CSMD1: variants seen among roughly 807,000 people sequenced by gnomAD.
CSMD1 encodes CUB and sushi domain-containing protein 1.
In CSMD1, 213 loss-of-function variants were observed where a neutral mutation model predicts 417.5. That is an observed-to-expected ratio of 0.51 (90% CI 0.46 to 0.57). The LOEUF (loss-of-function observed/expected upper bound fraction) is 0.57. CSMD1 is among the 20% of genes least tolerant of loss of function. The probability of loss-of-function intolerance (pLI) is 0.00; values close to 1 mark genes in which losing one functional copy is unlikely to be tolerated. For synonymous variants in CSMD1, 2,862 were observed against 1,736.8 expected, an observed-to-expected ratio of 1.65 and a Z score of -16.11; for missense variants, 6,923 against 4,529.7, an observed-to-expected ratio of 1.53 and a Z score of -15.17.
chr8:4,976,891 C>G (rs1810593287), intron 1 of CSMD1, among the ~76,000 whole-genome samples: 1 of 152,054 alleles, frequency 6.6e-6, no homozygotes, highest in Non-Finnish European at 1.5e-5. Flanking sequence ...TGCTGGTCAG[C>G]TATAAACATA....
rs569722958 is a variant in CSMD1, at chr8:4,889,073, G to T, written c.85+105259C>A. Among the ~76,000 whole-genome samples, 32 of 152,228 alleles carry T rather than the reference G, an allele frequency of 2.1e-4. No individual in the cohort carries two copies. The South Asian group carries it at 5.6e-3, about 27-fold the overall frequency. ...GAAGGATGAATATGTGGTAAGCCCA[G>T]TGAATGAACGTTTGATGAGAAACGG... is the stretch of plus-strand genomic sequence containing the variant. On this transcript the variant is annotated intron_variant, in intron 1 of 69. Coordinates refer to ENST00000635120, the MANE Select transcript of CSMD1 (RefSeq NM_033225.6).
rs528878432 is a variant in CSMD1, at chr8:4,033,358, C to T, written c.416-1259G>A. ...TTGGGAGGCTGAGGCAGGAGAATGGCGTGAACCCGGGAGGCGGAGCTTGCG... is the reference window on the plus strand; with the variant it reads ...TTGGGAGGCTGAGGCAGGAGAATGGTGTGAACCCGGGAGGCGGAGCTTGCG... On this transcript the variant is annotated intron_variant, in intron 3 of 69. Coordinates refer to ENST00000635120, the MANE Select transcript of CSMD1 (RefSeq NM_033225.6). Among the ~76,000 whole-genome samples the T allele has an allele frequency of 1.6e-4, 25 of 152,140 alleles. No individual in the cohort carries two copies. In the South Asian group the frequency reaches 1.9e-3, roughly 11 times the overall value.
chr8:4,718,390 A>G (rs1310220071), intron 1 of CSMD1, among the ~76,000 whole-genome samples: 4 of 152,354 alleles, frequency 2.6e-5, no homozygotes, highest in African/African-American at 4.8e-5. Flanking sequence ...TCAACTTAAC[A>G]TGATAAAACA....
chr8:3,970,003 T>C (rs1585052515), intron 5 of CSMD1, among the ~76,000 whole-genome samples: 1 of 152,326 alleles, frequency 6.6e-6, no homozygotes, highest in Non-Finnish European at 1.5e-5. Flanking sequence ...GATTCAGTAA[T>C]TTGGCAATAA....
At chr8:3,728,488 A>C (rs17063147) in intron 6 of CSMD1, among the ~76,000 whole-genome samples, 24,888 of 152,142 alleles carry the variant, frequency 0.16, 2,318 homozygotes, top group South Asian at 0.32. Context: ...AGTAGCAAAT[A>C]ATAAGTAAAA....
intron 54 of CSMD1, among the ~76,000 whole-genome samples, chr8:2,984,364 C>G (rs909546303): frequency 6.6e-6 from 1 of 151,784 alleles, no homozygotes; most frequent in African/African-American, 2.4e-5. Flanking sequence ...TCTTTTTTCC[C>G]CCGAGACCAC....
At chr8:4,521,548 A>T (rs761963335) in intron 2 of CSMD1, among the ~76,000 whole-genome samples, 6 of 152,216 alleles carry the variant, frequency 3.9e-5, no homozygotes, top group Non-Finnish European at 8.8e-5. Flanking sequence ...TAGCAGTGAT[A>T]CATGATATGA....
chr8:4,161,545 C>T (rs2131097670), intron 3 of CSMD1, among the ~76,000 whole-genome samples: 1 of 152,268 alleles, frequency 6.6e-6, no homozygotes, highest in African/African-American at 2.4e-5. Context: ...TGTGCACCTC[C>T]TACTACTTGA....
intron 5 of CSMD1, among the ~76,000 whole-genome samples, chr8:3,940,359 G>T (rs1357116102): frequency 6.6e-6 from 1 of 151,752 alleles, no homozygotes; most frequent in Non-Finnish European, 1.5e-5. Flanking sequence ...CAATGGTGGG[G>T]GGAAAACAGT....
At chr8:4,677,953 T>A (rs550499412) in intron 1 of CSMD1, among the ~76,000 whole-genome samples, 2 of 151,886 alleles carry the variant, frequency 1.3e-5, no homozygotes, top group African/African-American at 4.8e-5. Context: ...AGAAAAAAAA[T>A]GAAATAGACA....
chr8:4,702,273 A>G (rs1242640946), intron 1 of CSMD1, among the ~76,000 whole-genome samples: 2 of 152,200 alleles, frequency 1.3e-5, no homozygotes, highest in Non-Finnish European at 2.9e-5. Context: ...ATAAAAATAA[A>G]AAATCAACAG....
At chr8:4,486,142 CAT>C (rs34170550) in intron 2 of CSMD1, among the ~76,000 whole-genome samples, 1,750 of 32,814 alleles carry the variant, frequency 0.053, 62 homozygotes, top group East Asian at 0.074. Context: ...TATATACATA[CAT>C]ATATATATAT....
At chr8:3,987,932 C>G (rs893136627) in intron 5 of CSMD1, among the ~76,000 whole-genome samples, 1 of 152,178 alleles carries the variant, frequency 6.6e-6, no homozygotes, top group Non-Finnish European at 1.5e-5. Context: ...AATGGTCTCA[C>G]ATCAAAGGAC....
chr8:4,337,761 T>A (rs1440308480), intron 3 of CSMD1, among the ~76,000 whole-genome samples: 1 of 152,182 alleles, frequency 6.6e-6, no homozygotes, highest in Non-Finnish European at 1.5e-5. Context: ...AGCCTTTACA[T>A]TGGGCTGGAG....
chr8:3,112,974 T>C (rs1372262109), intron 42 of CSMD1: 2 of 152,214 alleles, frequency 1.3e-5, no homozygotes, highest in Admixed American at 1.3e-4. Context: ...AGACCGTCTT[T>C]ATCCTCGCTG....
At chr8:3,568,227 A>G (rs184164130) in intron 10 of CSMD1, among the ~76,000 whole-genome samples, 1 of 152,286 alleles carries the variant, frequency 6.6e-6, no homozygotes, top group Admixed American at 6.5e-5. Context: ...ATGTTTGAGT[A>G]TTTATTTCCC....
intron 2 of CSMD1, among the ~76,000 whole-genome samples, chr8:4,629,767 T>G (rs1410228953): frequency 3.9e-5 from 6 of 152,304 alleles, no homozygotes; most frequent in African/African-American, 1.2e-4. Flanking sequence ...TATAAAACAG[T>G]GTCAACATTC....
chr8:4,858,180 T>G (rs957529147), intron 1 of CSMD1, among the ~76,000 whole-genome samples: 24 of 148,946 alleles, frequency 1.6e-4, no homozygotes, highest in Non-Finnish European at 3.3e-4. Context: ...ATTATCTCAA[T>G]AGATGCAGAA....
intron 3 of CSMD1, among the ~76,000 whole-genome samples, chr8:4,270,309 T>C (rs1804507523): frequency 2.0e-5 from 3 of 152,168 alleles, no homozygotes; most frequent in East Asian, 1.9e-4. Flanking sequence ...GTCTTTATAC[T>C]GGTTTTATGC....
Sources: allele counts gnomAD v4.1 joint callset (sites outside exome capture counted in the v4.1 genomes callset), GRCh38; gene constraint gnomAD v4.1.1; transcripts MANE v1.5; gene names NCBI Gene and HGNC (gene_info 2026-07-23, HGNC 2026-07-21).